EXT2: variants seen among roughly 807,000 people sequenced by gnomAD.
The protein encoded by EXT2 is exostosin-2.
Under a neutral mutation model 81.6 loss-of-function variants are expected in EXT2, and 53 were observed. The observed-to-expected ratio is 0.65, with a 90% CI of 0.52 to 0.82. EXT2 has a LOEUF of 0.82. Among genes scored for constraint, EXT2 ranks in the 40% least tolerant of loss-of-function variants. The pLI is 0.00. For synonymous variants in EXT2, 320 were observed against 340.0 expected, an observed-to-expected ratio of 0.94 and a Z score of 0.65; for missense variants, 774 against 910.2, an observed-to-expected ratio of 0.85 and a Z score of 1.93.
intron 6 of EXT2, among the ~76,000 whole-genome samples, chr11:44,128,303 A>G (rs1193398143): frequency 6.6e-6 from 1 of 152,182 alleles, no homozygotes; most frequent in Non-Finnish European, 1.5e-5. Context: ...GACCATGGAA[A>G]CCCAAAAGAG....
At chr11:44,208,999 G>A (rs1297112272) in intron 10 of EXT2, among the ~76,000 whole-genome samples, 1 of 152,168 alleles carries the variant, frequency 6.6e-6, no homozygotes, top group Non-Finnish European at 1.5e-5. Flanking sequence ...CCTACCATTG[G>A]TGCTTTAGGG....
intron 8 of EXT2, among the ~76,000 whole-genome samples, chr11:44,192,734 G>T (rs960812940): frequency 6.6e-6 from 1 of 152,108 alleles, no homozygotes; most frequent in African/African-American, 2.4e-5. Context: ...GATACTCAAA[G>T]AACTGTACAT....
chr11:44,174,140 G>A (rs1565222118), intron 8 of EXT2, among the ~76,000 whole-genome samples: 1 of 152,188 alleles, frequency 6.6e-6, no homozygotes, highest in Non-Finnish European at 1.5e-5. Context: ...TGATCTTCAT[G>A]TGTATTTTTC....
At chr11:44,139,061 G>T (rs1385075679) in intron 7 of EXT2, among the ~76,000 whole-genome samples, 1 of 151,372 alleles carries the variant, frequency 6.6e-6, no homozygotes, top group Non-Finnish European at 1.5e-5. Context: ...ATTTATTCCT[G>T]TGGGTTCTGG....
chr11:44,206,768 G>GTAAA (rs1210223887), intron 9 of EXT2, 25 bp from the exon 10 acceptor site: 1 of 1,613,520 alleles, frequency 6.2e-7, no homozygotes, highest in Non-Finnish European at 8.5e-7. Flanking sequence ...TAGGAGAATA[G>GTAAA]TAAATACCTT....
intron 1 of EXT2, among the ~76,000 whole-genome samples, chr11:44,099,397 G>C (rs1050215469): frequency 6.6e-6 from 1 of 152,188 alleles, no homozygotes; most frequent in African/African-American, 2.4e-5. Context: ...GTGTTAGCCA[G>C]GATGGTCTCG....
At chr11:44,130,447 A>G (rs192901071) in intron 7 of EXT2, among the ~76,000 whole-genome samples, 22 of 152,350 alleles carry the variant, frequency 1.4e-4, no homozygotes, top group African/African-American at 5.3e-4. Flanking sequence ...TGACTAAGAC[A>G]GCCATGGAAG....
Position 44,247,966 on chromosome 11 carries a change from A to T in EXT2, c.*3679A>T, listed in dbSNP as rs1425344202. 6.6e-6 allele frequency among the ~76,000 whole-genome samples: 1 copy of T among 152,192 alleles called. No homozygotes were observed. On this transcript the variant is annotated 3_prime_UTR_variant, in exon 14 of 14. Transcript: ENST00000533608. ...CAAGATAGTAATCAGAAAGTAGATG[A>T]AGCAGAGACTGGGTTTGGGAAGTGG...
intron 7 of EXT2, among the ~76,000 whole-genome samples, chr11:44,168,300 G>A (rs941296158): frequency 2.0e-5 from 3 of 152,076 alleles, no homozygotes; most frequent in Admixed American, 6.5e-5. Context: ...CCAGATTGAA[G>A]CACAGAGAGA....
At chr11:44,102,128 G>A (rs967885654) in intron 1 of EXT2, among the ~76,000 whole-genome samples, 7 of 152,238 alleles carry the variant, frequency 4.6e-5, no homozygotes, top group South Asian at 4.1e-4. Context: ...ATTCCTGCAC[G>A]TATAGGCAGA....
At chr11:44,190,557 T>C (rs977908798) in intron 8 of EXT2, among the ~76,000 whole-genome samples, 8 of 152,232 alleles carry the variant, frequency 5.3e-5, no homozygotes, top group Admixed American at 5.2e-4. Context: ...TGAATTCTCT[T>C]ATTTTCACAT....
rs374084527 is a variant in EXT2 at position 44,237,902 on chromosome 11, T to TAAAAAA, written c.2018+1550_2018+1555dup. Among the ~76,000 whole-genome samples, 95 of 56,374 alleles carry TAAAAAA rather than the reference T, an allele frequency of 1.7e-3. 2 individuals are homozygous for TAAAAAA. Among genetic ancestry groups the TAAAAAA allele is most frequent in the African/African-American group, 6.5e-3 (89 of 13,796 alleles). The allele number at this position is 56,374 out of a possible 152,430, so 37.0% of individuals were successfully genotyped here. A position where few individuals can be genotyped will look rare whatever the true frequency, so the allele number is the denominator to read the frequency against. On this transcript the variant is annotated intron_variant, in intron 13 of 13. Coordinates refer to ENST00000533608, the MANE Select transcript of EXT2 (RefSeq NM_207122.2). ...AACATGGTGAAACCCCGTCTCTACT[T>TAAAAAA]AAAAAAAAAAAAAAAAAAAAAAAAA...
rs370591829 is a variant in EXT2 at position 44,109,150 on chromosome 11, A to G, written c.537-44A>G. ...TCTAGTAACTGACTCTTGTCTTTTC[A>G]TAGTTGACACATTAATTCTCCTACA... On this transcript the variant is annotated intron_variant, in intron 2 of 13. Transcript: ENST00000533608. 6.3e-6 allele frequency: 10 copies of G among 1,598,202 alleles called. 1 individual carries two copies. Among genetic ancestry groups the G allele is most frequent in the East Asian group, 4.5e-5 (2 of 44,772 alleles).
At chr11:44,097,782 A>C (rs1953922131) in intron 1 of EXT2, among the ~76,000 whole-genome samples, 1 of 150,266 alleles carries the variant, frequency 6.7e-6, no homozygotes, top group African/African-American at 2.4e-5. Context: ...ATAAATAAAT[A>C]AATAAATAAA....
chr11:44,194,317 C>A (rs1032497209), intron 8 of EXT2, among the ~76,000 whole-genome samples: 2 of 152,124 alleles, frequency 1.3e-5, no homozygotes, highest in Non-Finnish European at 2.9e-5. Context: ...TTTCTGAAAT[C>A]ATAGTGTTTG....
At chr11:44,119,147 T>TATATATATATACAC (rs1263294466) in intron 4 of EXT2, among the ~76,000 whole-genome samples, 1 of 49,404 alleles carries the variant, frequency 2.0e-5, no homozygotes, top group Non-Finnish European at 4.5e-5. Context: ...TATATATATA[T>TATATATATATACAC]ATATATATAT....
At chr11:44,211,503 A>T (rs1191802828) in intron 10 of EXT2, among the ~76,000 whole-genome samples, 4 of 152,234 alleles carry the variant, frequency 2.6e-5, no homozygotes, top group African/African-American at 9.6e-5. Flanking sequence ...AGAGGACATT[A>T]TGCTATCTAG....
chr11:44,179,599 T>C (rs1009936743), intron 8 of EXT2, among the ~76,000 whole-genome samples: 4 of 152,210 alleles, frequency 2.6e-5, no homozygotes, highest in Non-Finnish European at 4.4e-5. Flanking sequence ...TTTCCCCTTT[T>C]TTCAGGGGCC....
chr11:44,115,601 A>G (rs1471864543), intron 4 of EXT2, among the ~76,000 whole-genome samples: 3 of 152,220 alleles, frequency 2.0e-5, no homozygotes, highest in Non-Finnish European at 2.9e-5. Context: ...ACCAATAGAT[A>G]AATTTTGACA....
Sources: gnomAD v4.1 joint callset for allele counts (sites outside exome capture counted in the v4.1 genomes callset) on GRCh38, gnomAD v4.1.1 for gene constraint, MANE v1.5 for transcripts, NCBI Gene and HGNC (gene_info 2026-07-23, HGNC 2026-07-21) for gene names.